RAP1GAP2: variants seen among roughly 807,000 people sequenced by gnomAD.
RAP1GAP2 encodes rap1 GTPase-activating protein 2.
A neutral mutation model predicts 95.0 loss-of-function variants in RAP1GAP2; 27 were observed. That is an observed-to-expected ratio of 0.28 (90% CI 0.21 to 0.39). The LOEUF (loss-of-function observed/expected upper bound fraction) is 0.39, where lower values mean the gene tolerates loss of function less well. RAP1GAP2 is among the 10% of genes least tolerant of loss of function. The pLI is 1.00. For synonymous variants in RAP1GAP2, 373 were observed against 380.9 expected (o/e 0.98, Z 0.24); for missense variants, 771 against 970.0 (o/e 0.79, Z 2.72).
chr17:2,966,127 G>T (rs1419883690), intron 8 of RAP1GAP2, among the ~76,000 whole-genome samples: 1 of 152,174 alleles, frequency 6.6e-6, no homozygotes, highest in Non-Finnish European at 1.5e-5. Flanking sequence ...CTGATTTATA[G>T]CGGAAGCCAG....
intron 2 of RAP1GAP2, among the ~76,000 whole-genome samples, chr17:2,804,381 A>G (rs758511841): frequency 2.0e-5 from 3 of 152,340 alleles, no homozygotes; most frequent in South Asian, 4.1e-4. Context: ...CATTTTACAG[A>G]TAAGAAAGTG....
chr17:2,982,277 T>C (rs1330038636), intron 10 of RAP1GAP2, among the ~76,000 whole-genome samples: 1 of 152,232 alleles, frequency 6.6e-6, no homozygotes, highest in African/African-American at 2.4e-5. Context: ...TAGCTGGGAC[T>C]ACAGGTGTGC....
rs1363363543 is a variant in RAP1GAP2, at chr17:2,849,998, G to GTTTTTTTTTTTTTTT, written c.80+49448_80+49449insTTTTTTTTTTTTTTT. 5.9e-5 allele frequency among the ~76,000 whole-genome samples: 8 copies of GTTTTTTTTTTTTTTT among 136,130 alleles called. 2 individuals are homozygous for GTTTTTTTTTTTTTTT. The highest frequency in any genetic ancestry group is 5.4e-5 in the African/African-American group (2 of 36,742). The allele number at this position is 136,130 out of a possible 152,430, so 89.3% of individuals were successfully genotyped here. A position where few individuals can be genotyped will look rare whatever the true frequency, so the allele number is the denominator to read the frequency against. On this transcript the variant is annotated intron_variant, in intron 2 of 24. Transcript: ENST00000254695. Reference sequence around the variant, plus strand: ...GTGTCACTAACACCTAACACTGCCTGCTTTTTTTTTTTTTTTTTTTGAGAT... The same window carrying GTTTTTTTTTTTTTTT: ...GTGTCACTAACACCTAACACTGCCTGTTTTTTTTTTTTTTTCTTTTTTTTTTTTTTTTTTTGAGAT...
rs563440182 is a variant in RAP1GAP2, at chr17:3,029,636, C to A, written c.2108-1286C>A. ...ATAGGTTACACAGAGGTGTTGTAGC[C>A]CTGGGTGGAACTCCTCGATTCGAAG... On this transcript the variant is annotated intron_variant, in intron 22 of 24. Coordinates refer to ENST00000254695, the MANE Select transcript of RAP1GAP2 (RefSeq NM_015085.5). The surrounding 1 kb of genome is among the most constrained non-coding windows in gnomAD (Gnocchi z 4.4). Among the ~76,000 whole-genome samples the A allele has an allele frequency of 6.6e-6, 1 of 152,056 alleles. No homozygotes were observed. The highest frequency in any genetic ancestry group is 2.1e-4 in the South Asian group (1 of 4,824).
chr17:2,760,292 C>CAAAAAAAAAAA (rs374784170), intron 1 of RAP1GAP2, among the ~76,000 whole-genome samples: 4 of 59,258 alleles, frequency 6.8e-5, no homozygotes, highest in East Asian at 5.0e-4. Flanking sequence ...GACTCTGTCT[C>CAAAAAAAAAAA]AAAAAAAAAA....
intron 2 of RAP1GAP2, among the ~76,000 whole-genome samples, chr17:2,801,594 G>GGTGTGT (rs1482014787): frequency 8.7e-5 from 11 of 126,048 alleles, no homozygotes; most frequent in South Asian, 2.8e-4. Context: ...AACACTCCAG[G>GGTGTGT]GTATGTGTGT....
rs2068399473 is a variant in RAP1GAP2 at position 2,771,584 on chromosome 17, C to T, written c.167+1139C>T. Among the ~76,000 whole-genome samples the T allele has an allele frequency of 2.7e-5, 4 of 150,340 alleles. No homozygotes were observed. The Admixed American group carries it at 2.7e-4, about 10-fold the overall frequency. On this transcript the variant is annotated intron_variant, in intron 2 of 25. Transcript: ENST00000637138. ...TCTTGGCTCACTGCAACCTCCGCCT[C>T]CTGGAGGCGATTCTCCTGCCTCAGC...
intron 8 of RAP1GAP2, among the ~76,000 whole-genome samples, chr17:2,973,377 G>C (rs558010046): frequency 1.3e-5 from 2 of 152,162 alleles, no homozygotes; most frequent in African/African-American, 2.4e-5. Flanking sequence ...CTAGCCAGGC[G>C]TGGTGGTGGG....
intron 2 of RAP1GAP2, among the ~76,000 whole-genome samples, chr17:2,873,565 G>A (rs949629050): frequency 2.7e-5 from 4 of 146,606 alleles, no homozygotes; most frequent in Non-Finnish European, 6.0e-5. Context: ...CTGAATAAGT[G>A]GACAGATTGG....
intron 3 of RAP1GAP2, among the ~76,000 whole-genome samples, chr17:2,954,468 A>C (rs912798953): frequency 2.6e-5 from 4 of 152,078 alleles, no homozygotes; most frequent in Non-Finnish European, 5.9e-5. Context: ...TAGGAGTGGC[A>C]CTGCTGGGTC....
chr17:3,019,492 T>C (rs1309326121), intron 18 of RAP1GAP2, among the ~76,000 whole-genome samples: 1 of 152,178 alleles, frequency 6.6e-6, no homozygotes, highest in Non-Finnish European at 1.5e-5. Context: ...CCAGCCTGGA[T>C]GTCAGAGTGA....
upstream of RAP1GAP2, among the ~76,000 whole-genome samples, chr17:2,792,061 T>C (rs1488198525): frequency 6.6e-6 from 1 of 150,482 alleles, no homozygotes; most frequent in Non-Finnish European, 1.5e-5. Flanking sequence ...GGTTTCACCA[T>C]GTTGGCCAGG....
At position 2,805,922 on chromosome 17, in the gene RAP1GAP2, T is replaced by TG. The variant is rs1321652668; in HGVS notation, c.80+5376dup. On this transcript the variant is annotated intron_variant, in intron 2 of 24. Transcript: ENST00000254695. ...CATTCTCATGCACACTCCTGAGGGG[T>TG]GGGGAAGTCTAAAATCCATTGCCTT... Among the ~76,000 whole-genome samples the TG allele has an allele frequency of 2.0e-5, 3 of 151,940 alleles. No homozygotes were observed. The East Asian group carries it at 5.8e-4, about 29-fold the overall frequency.
chr17:2,838,767 T>G (rs1352943930), intron 2 of RAP1GAP2, among the ~76,000 whole-genome samples: 1 of 152,090 alleles, frequency 6.6e-6, no homozygotes, highest in Non-Finnish European at 1.5e-5. Context: ...AGAAAGCTGT[T>G]TATTCCCTTT....
intron 21 of RAP1GAP2, 98 bp from the exon 22 acceptor site, chr17:3,026,846 G>A: frequency 2.1e-6 from 3 of 1,422,404 alleles, no homozygotes; most frequent in Non-Finnish European, 2.8e-6. Flanking sequence ...GGGAGCAGGA[G>A]GCAGCGGCTG....
At position 2,820,178 on chromosome 17, in the gene RAP1GAP2, C is replaced by T. The variant is rs982893030; in HGVS notation, c.80+19628C>T. Among the ~76,000 whole-genome samples the T allele has an allele frequency of 2.0e-5, 3 of 152,088 alleles. No homozygotes were observed. In the South Asian group the frequency reaches 6.2e-4, roughly 32 times the overall value. On this transcript the variant is annotated intron_variant, in intron 2 of 24. Transcript: ENST00000254695. ...ATCCCCTCTTGCTGGACACCTAGGTCGTTTCCATTTTCTGATATTGCAAGC... is the reference window on the plus strand; with the variant it reads ...ATCCCCTCTTGCTGGACACCTAGGTTGTTTCCATTTTCTGATATTGCAAGC...
intron 2 of RAP1GAP2, among the ~76,000 whole-genome samples, chr17:2,770,763 G>A (rs1049550577): frequency 1.3e-5 from 2 of 152,210 alleles, no homozygotes; most frequent in African/African-American, 2.4e-5. Context: ...GAGATTGGTC[G>A]GGCTCAGTGG....
intron 1 of RAP1GAP2, among the ~76,000 whole-genome samples, chr17:2,766,771 A>G (rs1215249497): frequency 6.6e-6 from 1 of 152,198 alleles, no homozygotes; most frequent in Non-Finnish European, 1.5e-5. Flanking sequence ...AGGACATCCC[A>G]GCCTCCAGAA....
intron 2 of RAP1GAP2, among the ~76,000 whole-genome samples, chr17:2,844,088 T>G (rs1246743602): frequency 6.6e-6 from 1 of 152,058 alleles, no homozygotes; most frequent in Non-Finnish European, 1.5e-5. Flanking sequence ...TGGCTCGATC[T>G]CGGCTCACTG....
Sources: allele counts gnomAD v4.1 joint callset (sites outside exome capture counted in the v4.1 genomes callset), GRCh38; gene constraint gnomAD v4.1.1; non-coding constraint Gnocchi (gnomAD v3.1); transcripts MANE v1.5; gene names NCBI Gene and HGNC (gene_info 2026-07-23, HGNC 2026-07-21).